Variants in SLC6A5 observed in about 807,000 individuals in gnomAD.
SLC6A5 encodes the protein sodium- and chloride-dependent glycine transporter 2.
In SLC6A5, 58 loss-of-function variants were observed where a neutral mutation model predicts 90.5. That is an observed-to-expected ratio of 0.64 (90% confidence interval 0.52 to 0.80). SLC6A5 has a LOEUF of 0.80. Ranked by LOEUF, SLC6A5 falls within the 30% of genes least tolerant of loss-of-function variation. The pLI, the probability that SLC6A5 is intolerant of heterozygous loss-of-function variation, is 0.00. For synonymous variants in SLC6A5, 427 were observed against 401.4 expected, an observed-to-expected ratio of 1.06 and a Z score of -0.76; for missense variants, 1,015 against 1,017.6, an observed-to-expected ratio of 1.00 and a Z score of 0.03.
chr11:20,644,059 A>G (rs1446703619), intron 13 of SLC6A5, among the ~76,000 whole-genome samples: 4 of 152,198 alleles, frequency 2.6e-5, no homozygotes, highest in Non-Finnish European at 4.4e-5. Flanking sequence ...TGTATTTTTT[A>G]TTAGATACTG....
intron 4 of SLC6A5, 83 bp downstream of exon 4, chr11:20,607,221 C>T: frequency 6.6e-7 from 1 of 1,524,948 alleles, no homozygotes; most frequent in Non-Finnish European, 8.9e-7. Flanking sequence ...GGGAGGGAGA[C>T]CTGCCTTTGT....
chr11:20,643,230 T>C (rs1265746257), intron 13 of SLC6A5, among the ~76,000 whole-genome samples: 1 of 150,372 alleles, frequency 6.7e-6, no homozygotes, highest in Non-Finnish European at 1.5e-5. Flanking sequence ...TCTCTCTCTT[T>C]TTTTTTTTTT....
chr11:20,637,378 C>A (rs1767461831), intron 12 of SLC6A5, 75 bp downstream of exon 12: 2 of 1,346,428 alleles, frequency 1.5e-6, no homozygotes, highest in Admixed American at 1.8e-5. Context: ...GTCTTTCAAC[C>A]CTTAGCTCTC....
At chr11:20,623,165 A>G (rs1852924352) in intron 7 of SLC6A5, among the ~76,000 whole-genome samples, 1 of 152,180 alleles carries the variant, frequency 6.6e-6, no homozygotes, top group Admixed American at 6.5e-5. Flanking sequence ...TGGTGCAGGA[A>G]AAATGTGTCC....
chr11:20,601,175 C>A lies in SLC6A5; in HGVS notation c.50C>A (p.Pro17Gln). ...ATGAATAAACTGCCAGCCAACAGCCCGGAGGCGGCGGCGGCGCAGGGCCAC... is the reference window on the plus strand; with the variant it reads ...ATGAATAAACTGCCAGCCAACAGCCAGGAGGCGGCGGCGGCGCAGGGCCAC... ...KEMNKLPANS[P>Q]EAAAAQGHPD... The change falls in exon 2 of 16, where the codon CCG (proline) becomes CAG (glutamine). Residue 17 changes from proline to glutamine, a missense_variant. Pro to Gln is a moderately conservative substitution (Grantham distance 76, BLOSUM62 -1). Transcript: ENST00000525748. 1 of 1,589,104 alleles carries A rather than the reference C, an allele frequency of 6.3e-7. No individual in the cohort carries two copies. Among genetic ancestry groups the A allele is most frequent in the Non-Finnish European group, 8.5e-7 (1 of 1,175,578 alleles).
Position 20,656,797 on chromosome 11 carries a change from C to G in SLC6A5, c.*1929C>G, listed in dbSNP as rs1590187329. On this transcript the variant is annotated 3_prime_UTR_variant, in exon 16 of 16. Coordinates refer to ENST00000525748, the MANE Select transcript of SLC6A5 (RefSeq NM_004211.5). ...CTTGAGTCTATCATAGAGACTAAAC[C>G]TTGAGCTTCCCCTAAACTTAGCTTT... 1 of 152,168 alleles carries G rather than the reference C, an allele frequency of 6.6e-6. No homozygotes were observed. Among genetic ancestry groups the G allele is most frequent in the Non-Finnish European group, 1.5e-5 (1 of 68,046 alleles). 9.4% of individuals were successfully genotyped at this position (152,168 alleles called of 1,614,324 possible).
chr11:20,633,768 T>C (rs1406218967), intron 10 of SLC6A5, among the ~76,000 whole-genome samples: 1 of 152,210 alleles, frequency 6.6e-6, no homozygotes, highest in Admixed American at 6.5e-5. Context: ...TCTATAAAGG[T>C]AGGTACTATT....
At chr11:20,610,917 T>C (rs1480350032) in intron 5 of SLC6A5, among the ~76,000 whole-genome samples, 1 of 152,104 alleles carries the variant, frequency 6.6e-6, no homozygotes, top group Non-Finnish European at 1.5e-5. Flanking sequence ...CAGCCAAGAA[T>C]TACTAAAGCT....
rs189298669 is a variant in SLC6A5 at position 20,608,029 on chromosome 11, T to C, written c.985+377T>C. On this transcript the variant is annotated intron_variant, in intron 5 of 15. Coordinates refer to ENST00000525748, the MANE Select transcript of SLC6A5 (RefSeq NM_004211.5). ...CTAGCAGCATTACCTGGATGGTGGTTAGAAGCCCCGCCCTAGCCTTTCTGA... is the reference window on the plus strand; with the variant it reads ...CTAGCAGCATTACCTGGATGGTGGTCAGAAGCCCCGCCCTAGCCTTTCTGA... Among the ~76,000 whole-genome samples the C allele has an allele frequency of 2.2e-3, 330 of 152,336 alleles. 2 individuals carry two copies. Among genetic ancestry groups the C allele is most frequent in the African/African-American group, 7.4e-3 (306 of 41,574 alleles).
At chr11:20,631,673 C>T (rs1311493582) in intron 10 of SLC6A5, among the ~76,000 whole-genome samples, 2 of 152,166 alleles carry the variant, frequency 1.3e-5, no homozygotes, top group African/African-American at 4.8e-5. Context: ...TCAATTCAGA[C>T]ATTTATGGGA....
intron 11 of SLC6A5, 24 bp downstream of exon 11, chr11:20,636,443 C>G (rs1481445757): frequency 7.1e-7 from 1 of 1,412,068 alleles, no homozygotes; most frequent in Admixed American, 1.7e-5. Flanking sequence ...CCATCAGTCT[C>G]TATCCCATGC....
chr11:20,621,776 T>C (rs1334285617), intron 7 of SLC6A5, among the ~76,000 whole-genome samples: 1 of 152,202 alleles, frequency 6.6e-6, no homozygotes, highest in Non-Finnish European at 1.5e-5. Flanking sequence ...GCTCAGTTCC[T>C]CTTGTTTAGG....
At chr11:20,643,416 G>T (rs1853351661) in intron 13 of SLC6A5, among the ~76,000 whole-genome samples, 1 of 152,276 alleles carries the variant, frequency 6.6e-6, no homozygotes, top group Admixed American at 6.5e-5. Context: ...ATCCAAAGAT[G>T]ATTGGGTCAG....
intron 3 of SLC6A5, among the ~76,000 whole-genome samples, chr11:20,606,076 C>T (rs1274938233): frequency 1.3e-5 from 2 of 152,266 alleles, no homozygotes; most frequent in African/African-American, 4.8e-5. Flanking sequence ...CCCACCTTGA[C>T]TCTGGCCCAT....
intron 3 of SLC6A5, among the ~76,000 whole-genome samples, chr11:20,605,731 C>T (rs1590155231): frequency 2.0e-5 from 3 of 152,144 alleles, no homozygotes; most frequent in South Asian, 2.1e-4. Flanking sequence ...CTCAGGGTTC[C>T]GGAGGAGCCA....
At chr11:20,600,905 A>G (rs890523575) in intron 1 of SLC6A5, among the ~76,000 whole-genome samples, 4 of 152,106 alleles carry the variant, frequency 2.6e-5, no homozygotes, top group African/African-American at 7.2e-5. Flanking sequence ...TTCATCCTCC[A>G]CTAGGGAGGG....
At position 20,601,356 on chromosome 11, in the gene SLC6A5, G is replaced by T; in HGVS notation, c.231G>T (p.Val77=). The part of the protein sequence containing the change: ...ARACEAERPG[V]GSCKLSSPRA... ...CCTGCGAGGCTGAGCGGCCAGGAGTGGGGTCTTGCAAACTCAGTAGCCCGC... is the reference window on the plus strand; with the variant it reads ...CCTGCGAGGCTGAGCGGCCAGGAGTTGGGTCTTGCAAACTCAGTAGCCCGC... The change falls in exon 2 of 16, where the codon GTG becomes GTT. Residue 77 remains valine (V), a synonymous_variant. Transcript: ENST00000525748. 1 of 1,601,288 alleles carries T rather than the reference G, an allele frequency of 6.2e-7. No homozygotes were observed. The highest frequency in any genetic ancestry group is 8.5e-7 in the Non-Finnish European group (1 of 1,175,998).
intron 14 of SLC6A5, among the ~76,000 whole-genome samples, chr11:20,651,674 G>A (rs1373191290): frequency 2.0e-5 from 3 of 151,962 alleles, no homozygotes; most frequent in South Asian, 2.1e-4. Context: ...TTAGGAGGCC[G>A]AGGTGGGCAG....
intron 15 of SLC6A5, among the ~76,000 whole-genome samples, chr11:20,653,599 C>T (rs1565292081): frequency 1.3e-5 from 2 of 152,182 alleles, no homozygotes; most frequent in African/African-American, 4.8e-5. Context: ...CTTTTGTCTT[C>T]ATTGGACTAA....
Sources: allele counts gnomAD v4.1 joint callset (sites outside exome capture counted in the v4.1 genomes callset), GRCh38; gene constraint gnomAD v4.1.1; transcripts MANE v1.5; gene names NCBI Gene and HGNC (gene_info 2026-07-23, HGNC 2026-07-21).